RSPO4: variants seen among roughly 807,000 people sequenced by gnomAD.
RSPO4 encodes R-spondin 4, also known as R-spondin-4.
A neutral mutation model predicts 24.8 loss-of-function variants in RSPO4; 23 were observed. The observed-to-expected ratio is 0.93, with a 90% CI of 0.67 to 1.31. The LOEUF is 1.31. Ranked by LOEUF, RSPO4 falls within the 40% of genes most tolerant of loss-of-function variation. RSPO4 has a pLI of 0.00. For missense variants in RSPO4, 333 were observed against 316.5 expected, an observed-to-expected ratio of 1.05 and a Z score of -0.39; for synonymous variants, 141 against 127.4, an observed-to-expected ratio of 1.11 and a Z score of -0.72.
At chr20:967,398 TG>T in intron 2 of RSPO4, 84 bp from the exon 3 acceptor site, 3 of 1,451,920 alleles carry the variant, frequency 2.1e-6, no homozygotes, top group Non-Finnish European at 2.9e-6. Context: ...GAAGGCCCTC[TG>T]GGTAGCTCCA....
chr20:974,616 T>A (rs1480152930), intron 1 of RSPO4, among the ~76,000 whole-genome samples: 3 of 152,168 alleles, frequency 2.0e-5, no homozygotes, highest in African/African-American at 7.2e-5. Context: ...CAGGCTCACA[T>A]CCCCACAAGA....
rs766861428 is a variant in RSPO4, at chr20:967,173, C to A, written c.409+1G>T. ...GGCAGGGCGGGGAGGTCCCCACTCA[C>A]CCTGGCACTCCCGTGTGTTCTGGTG... On this transcript the variant is annotated splice_donor_variant, in intron 3 of 4. Transcript: ENST00000217260. LOFTEE classifies it high-confidence loss of function. 3 of 1,613,424 alleles carry A rather than the reference C, an allele frequency of 1.9e-6. No individual in the cohort carries two copies. The South Asian group carries it at 3.3e-5, about 18-fold the overall frequency.
chr20:992,970 A>C (rs544804872), intron 1 of RSPO4, among the ~76,000 whole-genome samples: 1 of 152,250 alleles, frequency 6.6e-6, no homozygotes, highest in South Asian at 2.1e-4. Flanking sequence ...CTCATCCGGG[A>C]CTTGCTAGAG....
intron 1 of RSPO4, among the ~76,000 whole-genome samples, chr20:997,301 T>C (rs932257513): frequency 6.6e-6 from 1 of 152,066 alleles, no homozygotes; most frequent in Non-Finnish European, 1.5e-5. Context: ...GGGCCCCCCG[T>C]GGTGGGGCAA....
chr20:991,214 T>A (rs1247105897), intron 1 of RSPO4, among the ~76,000 whole-genome samples: 2 of 152,198 alleles, frequency 1.3e-5, no homozygotes, highest in Non-Finnish European at 2.9e-5. Flanking sequence ...TAGCTGGGAT[T>A]TCAGGCGAGA....
At chr20:964,168 G>A (rs372408101) in intron 3 of RSPO4, 48 bp from the exon 4 acceptor site, 113 of 1,497,730 alleles carry the variant, frequency 7.5e-5, no homozygotes, top group African/African-American at 6.8e-4. Flanking sequence ...AGGGTCAGCC[G>A]GCAGTGAGGG....
chr20:961,806 T>G lies in RSPO4; in HGVS notation c.596-1340A>C, dbSNP rs146882796. Among the ~76,000 whole-genome samples, 56 of 151,818 alleles carry G rather than the reference T, an allele frequency of 3.7e-4. 1 individual carries two copies. In the East Asian group the frequency reaches 0.011, roughly 29 times the overall value. On this transcript the variant is annotated intron_variant, in intron 4 of 4. Coordinates refer to ENST00000217260, the MANE Select transcript of RSPO4 (RefSeq NM_001029871.4). Reference sequence around the variant, plus strand: ...CCATCCCTCCACCTATTTACCCACCTACACACTCACCCACCTATTCACCCA... The same window carrying G: ...CCATCCCTCCACCTATTTACCCACCGACACACTCACCCACCTATTCACCCA...
intron 1 of RSPO4, among the ~76,000 whole-genome samples, chr20:978,230 T>C (rs748168974): frequency 2.0e-4 from 30 of 152,162 alleles, no homozygotes; most frequent in Non-Finnish European, 2.5e-4. Context: ...CTGGGTGATA[T>C]TGGGCAAGTG....
At chr20:967,081 G>A (rs1568908262) in intron 3 of RSPO4, 93 bp downstream of exon 3, 2 of 1,309,280 alleles carry the variant, frequency 1.5e-6, no homozygotes, top group Non-Finnish European at 1.1e-6. Context: ...GCATTCTACT[G>A]TAATTTCTTC....
intron 1 of RSPO4, among the ~76,000 whole-genome samples, chr20:995,600 T>G (rs907489066): frequency 1.6e-4 from 25 of 152,098 alleles, no homozygotes; most frequent in African/African-American, 5.3e-4. Context: ...TCAGGGCGAT[T>G]AGAAACAAGC....
intron 4 of RSPO4, among the ~76,000 whole-genome samples, chr20:961,988 C>T (rs1984014298): frequency 6.6e-6 from 1 of 152,236 alleles, no homozygotes; most frequent in African/African-American, 2.4e-5. Context: ...ATCTACCCTC[C>T]TATCCACCCA....
At chr20:994,230 A>G (rs1001142296) in intron 1 of RSPO4, among the ~76,000 whole-genome samples, 26 of 152,210 alleles carry the variant, frequency 1.7e-4, no homozygotes, top group African/African-American at 6.0e-4. Flanking sequence ...ATTTTTAAAG[A>G]AAAAATATGT....
chr20:986,342 G>C (rs909028607), intron 1 of RSPO4, among the ~76,000 whole-genome samples: 1 of 152,162 alleles, frequency 6.6e-6, no homozygotes, highest in Admixed American at 6.5e-5. Flanking sequence ...CATCAGGGTA[G>C]TGACAGCTGT....
At chr20:968,189 C>T (rs778025499) in intron 1 of RSPO4, 51 bp from the exon 2 acceptor site, 5 of 1,555,100 alleles carry the variant, frequency 3.2e-6, no homozygotes, top group Non-Finnish European at 4.4e-6. Flanking sequence ...GAGAGATGGT[C>T]AAACCATATA....
intron 1 of RSPO4, among the ~76,000 whole-genome samples, chr20:989,444 C>T (rs1985024496): frequency 6.6e-6 from 1 of 152,218 alleles, no homozygotes. Flanking sequence ...CAAACACTCA[C>T]CAGGTAGGAG....
chr20:983,445 G>C (rs187355821), intron 1 of RSPO4, among the ~76,000 whole-genome samples: 15 of 152,346 alleles, frequency 9.8e-5, no homozygotes, highest in Middle Eastern at 3.4e-3. Flanking sequence ...AGGCCAGGAT[G>C]GGGGTGAGGG....
rs75225554 is a variant in RSPO4, at chr20:1,001,083, T to C, written c.79+1003A>G. ...ACCAGCTGGACAATTCAGCAGTTAT[T>C]TAAACCAGTCTGAGCCTTGGAATCC... is the stretch of plus-strand genomic sequence containing the variant. On this transcript the variant is annotated intron_variant, in intron 1 of 4. Coordinates refer to ENST00000217260, the MANE Select transcript of RSPO4 (RefSeq NM_001029871.4). 9.1e-3 allele frequency among the ~76,000 whole-genome samples: 1,383 copies of C among 152,300 alleles called. 29 individuals carry two copies. The highest frequency in any genetic ancestry group is 0.031 in the African/African-American group (1,271 of 41,552).
At chr20:963,164 G>A (rs1657173139) in intron 4 of RSPO4, among the ~76,000 whole-genome samples, 1 of 152,156 alleles carries the variant, frequency 6.6e-6, no homozygotes, top group Non-Finnish European at 1.5e-5. Flanking sequence ...TCAGTGGACG[G>A]CAATCGGGAT....
intron 1 of RSPO4, among the ~76,000 whole-genome samples, chr20:982,461 A>G (rs1289393619): frequency 6.6e-6 from 1 of 152,184 alleles, no homozygotes; most frequent in Non-Finnish European, 1.5e-5. Context: ...TTTTCTTTTC[A>G]TGTATGAGGG....
Sources: allele counts gnomAD v4.1 joint callset (sites outside exome capture counted in the v4.1 genomes callset), GRCh38; gene constraint gnomAD v4.1.1; transcripts MANE v1.5; gene names NCBI Gene and HGNC (gene_info 2026-07-23, HGNC 2026-07-21).